Variants in ME3 observed in about 807,000 individuals in gnomAD.
The protein encoded by ME3 is malic enzyme 3.
In ME3, 48 loss-of-function variants were observed where a neutral mutation model predicts 68.9. The observed-to-expected ratio is 0.70, with a 90% CI of 0.55 to 0.89. ME3 has a LOEUF of 0.89. Among genes scored for constraint, ME3 ranks in the 40% least tolerant of loss-of-function variants. The pLI is 0.00. For missense variants in ME3, 675 were observed against 797.4 expected, an observed-to-expected ratio of 0.85 and a Z score of 1.85; for synonymous variants, 320 against 318.8, an observed-to-expected ratio of 1.00 and a Z score of -0.04.
At chr11:86,651,409 G>T (rs554840343) in intron 2 of ME3, among the ~76,000 whole-genome samples, 1 of 152,208 alleles carries the variant, frequency 6.6e-6, no homozygotes, top group Non-Finnish European at 1.5e-5. Context: ...CCAGAGGAAC[G>T]ATCAGGCAGC....
intron 2 of ME3, among the ~76,000 whole-genome samples, chr11:86,571,395 T>C (rs1957780341): frequency 6.6e-6 from 1 of 152,180 alleles, no homozygotes; most frequent in Non-Finnish European, 1.5e-5. Flanking sequence ...TTCCTATAAC[T>C]AGTTTGTGGC....
rs942540853 is a variant in ME3 at position 86,536,263 on chromosome 11, A to G, written c.467+20290T>C. 5.3e-5 allele frequency among the ~76,000 whole-genome samples: 8 copies of G among 151,856 alleles called. No individual in the cohort carries two copies. The East Asian group carries it at 1.5e-3, about 29-fold the overall frequency. On this transcript the variant is annotated intron_variant, in intron 4 of 14. Coordinates refer to ENST00000543262, the Ensembl canonical transcript of ME3. ...GTCCAAAACACCAAAAGCAATGGCAACAAAAGACAAAATTGACAAATGGGA... is the reference window on the plus strand; with the variant it reads ...GTCCAAAACACCAAAAGCAATGGCAGCAAAAGACAAAATTGACAAATGGGA...
intron 2 of ME3, among the ~76,000 whole-genome samples, chr11:86,656,857 G>GA (rs61638542): frequency 0.45 from 66,181 of 147,638 alleles, 16,374 homozygotes; most frequent in Non-Finnish European, 0.57. Flanking sequence ...ATAAACATAT[G>GA]AAAAAAAAAA....
chr11:86,469,122 AG>A (rs1218173248), intron 7 of ME3, among the ~76,000 whole-genome samples: 1 of 152,202 alleles, frequency 6.6e-6, no homozygotes, highest in Non-Finnish European at 1.5e-5. Context: ...GAAAGATCAT[AG>A]GTATGGTGAA....
At chr11:86,484,582 T>C (rs1448013312) in intron 7 of ME3, among the ~76,000 whole-genome samples, 2 of 152,170 alleles carry the variant, frequency 1.3e-5, no homozygotes. Context: ...ATTTTGAGGA[T>C]AGTTTGAACA....
At chr11:86,594,619 G>C (rs571947326) in intron 2 of ME3, among the ~76,000 whole-genome samples, 4 of 145,986 alleles carry the variant, frequency 2.7e-5, no homozygotes, top group African/African-American at 5.1e-5. Flanking sequence ...ACTTGAGCCC[G>C]AGAGGTCAAC....
intron 6 of ME3, among the ~76,000 whole-genome samples, 161 bp from the exon 7 acceptor site, chr11:86,487,601 G>A (rs941349220): frequency 6.6e-6 from 1 of 152,078 alleles, no homozygotes; most frequent in African/African-American, 2.4e-5. Context: ...ATTTCTGAAA[G>A]GGTCTGGAGG....
chr11:86,534,109 A>G (rs1405116604), intron 4 of ME3, among the ~76,000 whole-genome samples: 1 of 140,296 alleles, frequency 7.1e-6, no homozygotes, highest in Non-Finnish European at 1.6e-5. Flanking sequence ...ATATATATAT[A>G]TGTAAAATGG....
chr11:86,584,533 G>A (rs999787350), intron 2 of ME3, among the ~76,000 whole-genome samples: 4 of 152,196 alleles, frequency 2.6e-5, no homozygotes, highest in Admixed American at 1.3e-4. Context: ...TAGCCAAGAT[G>A]TAGAAAGGAT....
intron 7 of ME3, among the ~76,000 whole-genome samples, chr11:86,481,770 C>G (rs1433772718): frequency 6.6e-6 from 1 of 152,160 alleles, no homozygotes; most frequent in Non-Finnish European, 1.5e-5. Context: ...GTGGGAGTTG[C>G]AGGATCAGCT....
intron 2 of ME3, among the ~76,000 whole-genome samples, chr11:86,656,336 C>T (rs1188622701): frequency 1.3e-5 from 2 of 151,876 alleles, no homozygotes; most frequent in East Asian, 3.9e-4. Context: ...ATAGCAAAGA[C>T]TTGGAACCAA....
At chr11:86,499,205 A>T (rs188341096) in intron 5 of ME3, among the ~76,000 whole-genome samples, 4 of 152,092 alleles carry the variant, frequency 2.6e-5, no homozygotes, top group Admixed American at 2.6e-4. Context: ...GGTGGGGACA[A>T]TGTAGGATGT....
At chr11:86,643,716 T>A (rs1944817651) in intron 2 of ME3, among the ~76,000 whole-genome samples, 1 of 152,198 alleles carries the variant, frequency 6.6e-6, no homozygotes, top group Non-Finnish European at 1.5e-5. Flanking sequence ...AGCTTGCTAG[T>A]CTGTCTGTTC....
At chr11:86,628,762 G>T (rs1943819755) in intron 2 of ME3, among the ~76,000 whole-genome samples, 1 of 152,186 alleles carries the variant, frequency 6.6e-6, no homozygotes, top group South Asian at 2.1e-4. Context: ...GATTCATGCA[G>T]ACCGCAGTTG....
chr11:86,572,495 G>A (rs4944597), intron 2 of ME3, among the ~76,000 whole-genome samples: 74,288 of 151,836 alleles, frequency 0.49, 19,046 homozygotes, highest in Admixed American at 0.59. Context: ...CCATGTGTCC[G>A]TTGTTCAACT....
At chr11:86,575,789 G>A (rs1458185303) in intron 2 of ME3, among the ~76,000 whole-genome samples, 6 of 152,168 alleles carry the variant, frequency 3.9e-5, no homozygotes, top group Non-Finnish European at 2.9e-5. Flanking sequence ...TTTTGCAACC[G>A]CAATACAATG....
At chr11:86,634,044 T>C (rs1944180032) in intron 2 of ME3, among the ~76,000 whole-genome samples, 1 of 152,000 alleles carries the variant, frequency 6.6e-6, no homozygotes, top group South Asian at 2.1e-4. Context: ...ATTAATTGAG[T>C]CCCCAAATCC....
At chr11:86,665,392 G>T (rs1422969651) in intron 2 of ME3, among the ~76,000 whole-genome samples, 3 of 152,148 alleles carry the variant, frequency 2.0e-5, no homozygotes, top group African/African-American at 7.2e-5. Flanking sequence ...AAAAGGGAGG[G>T]AGTTAACTAT....
intron 2 of ME3, among the ~76,000 whole-genome samples, chr11:86,627,872 A>T (rs7103017): frequency 4.6e-5 from 7 of 152,102 alleles, no homozygotes; most frequent in Non-Finnish European, 8.8e-5. Context: ...AACACCACGC[A>T]TAAGCAATTC....
Sources: gnomAD v4.1 joint callset for allele counts (sites outside exome capture counted in the v4.1 genomes callset) on GRCh38, gnomAD v4.1.1 for gene constraint, MANE v1.5 for transcripts, NCBI Gene and HGNC (gene_info 2026-07-23, HGNC 2026-07-21) for gene names.